TMEM74: variants seen among roughly 807,000 people sequenced by gnomAD.
The protein encoded by TMEM74 is transmembrane protein 74.
Under a neutral mutation model 18.1 loss-of-function variants are expected in TMEM74, and 13 were observed. The observed-to-expected ratio is 0.72, with a 90% CI of 0.47 to 1.14. The LOEUF is 1.14. TMEM74 is among the 50% of genes most tolerant of loss of function. The pLI is 0.00. For synonymous variants in TMEM74, 159 were observed against 146.6 expected, an observed-to-expected ratio of 1.08 and a Z score of -0.61; for missense variants, 372 against 375.9, an observed-to-expected ratio of 0.99 and a Z score of 0.09.
intron 2 of TMEM74, among the ~76,000 whole-genome samples, chr8:108,649,571 G>A (rs182901660): frequency 2.0e-5 from 3 of 151,994 alleles, no homozygotes; most frequent in Non-Finnish European, 2.9e-5. Flanking sequence ...TTATTAGGTC[G>A]GTGCAAAAGT....
intron 2 of TMEM74, among the ~76,000 whole-genome samples, chr8:108,611,619 G>A (rs999397667): frequency 6.6e-6 from 1 of 152,164 alleles, no homozygotes; most frequent in African/African-American, 2.4e-5. Flanking sequence ...GTTAAGTGAG[G>A]ACTTTTATAT....
At chr8:108,650,878 T>A (rs1812767783) in intron 2 of TMEM74, among the ~76,000 whole-genome samples, 1 of 152,000 alleles carries the variant, frequency 6.6e-6, no homozygotes, top group African/African-American at 2.4e-5. Context: ...ACCCAGCTAA[T>A]TTTTGTATTT....
At chr8:108,646,292 C>T (rs1812717265) in intron 2 of TMEM74, among the ~76,000 whole-genome samples, 1 of 151,962 alleles carries the variant, frequency 6.6e-6, no homozygotes, top group Non-Finnish European at 1.5e-5. Context: ...TAGGAATCAC[C>T]TGCTTAGATT....
intron 1 of TMEM74, among the ~76,000 whole-genome samples, chr8:108,737,711 C>A (rs1417257603): frequency 6.6e-6 from 1 of 152,038 alleles, no homozygotes; most frequent in Non-Finnish European, 1.5e-5. Flanking sequence ...CAGTATAATA[C>A]AATACAATAA....
chr8:108,723,133 A>T (rs933043041), intron 1 of TMEM74, among the ~76,000 whole-genome samples: 1 of 152,140 alleles, frequency 6.6e-6, no homozygotes, highest in East Asian at 1.9e-4. Flanking sequence ...GTGAGTGAGA[A>T]TCCTGTGAGG....
At chr8:108,610,018 G>A (rs183177455) in intron 2 of TMEM74, among the ~76,000 whole-genome samples, 1 of 152,152 alleles carries the variant, frequency 6.6e-6, no homozygotes, top group African/African-American at 2.4e-5. Context: ...AGTGGCTGTC[G>A]CCCTTTAGTG....
rs137972736 is a variant in TMEM74, at chr8:108,675,899, T to C, written n.120-20462A>G. Reference sequence around the variant, plus strand: ...ATGTAATATTGAAGATAGTTTAGTATAGAAAATTAAGATAATGAGATAATA... The same window carrying C: ...ATGTAATATTGAAGATAGTTTAGTACAGAAAATTAAGATAATGAGATAATA... On this transcript the variant is annotated intron_variant and non_coding_transcript_variant, in intron 1 of 3. Coordinates refer to the TMEM74 transcript ENST00000518838. Among the ~76,000 whole-genome samples the C allele has an allele frequency of 4.0e-3, 605 of 152,248 alleles. 9 individuals are homozygous for C. Among genetic ancestry groups the C allele is most frequent in the African/African-American group, 0.014 (568 of 41,564 alleles).
chr8:108,688,570 G>A (rs879410513), intron 1 of TMEM74, among the ~76,000 whole-genome samples: 5 of 152,222 alleles, frequency 3.3e-5, no homozygotes, highest in South Asian at 2.1e-4. Context: ...GCAGGAGTAC[G>A]TATGTGAATG....
intron 2 of TMEM74, among the ~76,000 whole-genome samples, chr8:108,636,021 C>T (rs546572435): frequency 6.6e-6 from 1 of 152,136 alleles, no homozygotes; most frequent in East Asian, 1.9e-4. Flanking sequence ...CTTTCATATA[C>T]ATTATCTTTA....
intron 1 of TMEM74, among the ~76,000 whole-genome samples, chr8:108,710,723 A>T (rs1586269610): frequency 6.6e-6 from 1 of 151,940 alleles, no homozygotes; most frequent in East Asian, 1.9e-4. Flanking sequence ...CAGCAGCTTA[A>T]CTCTTTCTCT....
At chr8:108,743,396 T>C (rs1296022246) in intron 1 of TMEM74, among the ~76,000 whole-genome samples, 1 of 152,132 alleles carries the variant, frequency 6.6e-6, no homozygotes, top group Non-Finnish European at 1.5e-5. Context: ...TGAAATACTG[T>C]ATTACAACAA....
intron 2 of TMEM74, among the ~76,000 whole-genome samples, chr8:108,618,839 A>G (rs1301023440): frequency 6.6e-6 from 1 of 152,166 alleles, no homozygotes; most frequent in Non-Finnish European, 1.5e-5. Context: ...AACAGACATA[A>G]TGCTTCACCC....
intron 1 of TMEM74, among the ~76,000 whole-genome samples, chr8:108,681,874 G>C (rs1813118692): frequency 6.6e-6 from 1 of 152,140 alleles, no homozygotes; most frequent in Admixed American, 6.6e-5. Flanking sequence ...ATGTTGATTT[G>C]ATCTTGGGAA....
rs188933624 is a variant in TMEM74, at chr8:108,690,829, T to A, written n.120-35392A>T. Reference sequence around the variant, plus strand: ...GAGCAAGACTTCATCTCAAAAAAAATAAAAAATAATAATAATAATAAAGTG... The same window carrying A: ...GAGCAAGACTTCATCTCAAAAAAAAAAAAAAATAATAATAATAATAAAGTG... On this transcript the variant is annotated intron_variant and non_coding_transcript_variant, in intron 1 of 3. Transcript: ENST00000518838. Among the ~76,000 whole-genome samples the A allele has an allele frequency of 7.4e-3, 1,116 of 151,400 alleles. 15 individuals are homozygous for A. The highest frequency in any genetic ancestry group is 0.026 in the African/African-American group (1,058 of 41,242).
intron 1 of TMEM74, among the ~76,000 whole-genome samples, chr8:108,731,907 A>G (rs909852157): frequency 1.3e-5 from 2 of 152,076 alleles, no homozygotes; most frequent in Non-Finnish European, 2.9e-5. Context: ...CAGGAAGGGA[A>G]GTATGGAAAA....
chr8:108,681,014 G>A (rs1269423879), intron 1 of TMEM74, among the ~76,000 whole-genome samples: 1 of 152,058 alleles, frequency 6.6e-6, no homozygotes, highest in African/African-American at 2.4e-5. Context: ...ATGAAATAAA[G>A]GAGGATACAA....
Position 108,745,398 on chromosome 8 carries a change from G to A in TMEM74, n.119+42078C>T, listed in dbSNP as rs1306024168. ...AATAAAACTTTACTTATGAACACTAGCATTTTAATTTTATACATATTTTAT... is the reference window on the plus strand; with the variant it reads ...AATAAAACTTTACTTATGAACACTAACATTTTAATTTTATACATATTTTAT... On this transcript the variant is annotated intron_variant and non_coding_transcript_variant, in intron 1 of 3. Coordinates refer to the TMEM74 transcript ENST00000518838. Among the ~76,000 whole-genome samples the A allele has an allele frequency of 3.3e-5, 5 of 152,192 alleles. No individual in the cohort carries two copies. The East Asian group carries it at 5.8e-4, about 18-fold the overall frequency.
At chr8:108,620,804 ACTTTGCCTC>A in intron 2 of TMEM74, among the ~76,000 whole-genome samples, 1 of 152,184 alleles carries the variant, frequency 6.6e-6, no homozygotes, top group Admixed American at 6.5e-5. Context: ...TCACATCCCT[ACTTTGCCTC>A]CTTGATAGGT....
chr8:108,718,205 G>A lies in TMEM74; in HGVS notation n.120-62768C>T, dbSNP rs371646988. On this transcript the variant is annotated intron_variant and non_coding_transcript_variant, in intron 1 of 3. Coordinates refer to the TMEM74 transcript ENST00000518838. The stretch of plus-strand genomic sequence containing the variant: ...GATCTCCTGACCTCGTGATCCGCCC[G>A]CCTCGGCCTCCCAAAGTGCTGGGAT... 6.3e-5 allele frequency among the ~76,000 whole-genome samples: 9 copies of A among 142,784 alleles called. 1 individual carries two copies. The highest frequency in any genetic ancestry group is 1.4e-4 in the Admixed American group (2 of 14,438). The allele number at this position is 142,784 out of a possible 152,430, so 93.7% of individuals were successfully genotyped here.
Sources: allele counts gnomAD v4.1 joint callset (sites outside exome capture counted in the v4.1 genomes callset), GRCh38; gene constraint gnomAD v4.1.1; transcripts MANE v1.5; gene names NCBI Gene and HGNC (gene_info 2026-07-23, HGNC 2026-07-21).